Variants in SH3GL2 observed in about 807,000 individuals in gnomAD.
SH3GL2 encodes endophilin-A1.
In SH3GL2, 24 loss-of-function variants were observed where a neutral mutation model predicts 46.0. The ratio of observed to expected loss-of-function variants is 0.52; its 90% CI spans 0.38 to 0.73. The LOEUF (loss-of-function observed/expected upper bound fraction) is 0.73, where lower values mean the gene tolerates loss of function less well. SH3GL2 is among the 30% of genes least tolerant of loss of function. SH3GL2 has a pLI of 0.00. For missense variants in SH3GL2, 413 were observed against 424.2 expected, an observed-to-expected ratio of 0.97 and a Z score of 0.23; for synonymous variants, 196 against 147.1, an observed-to-expected ratio of 1.33 and a Z score of -2.40.
chr9:17,762,465 T>C lies in SH3GL2; in HGVS notation c.187+956T>C, dbSNP rs144598835. Among the ~76,000 whole-genome samples, 421 of 151,800 alleles carry C rather than the reference T, an allele frequency of 2.8e-3. 2 individuals are homozygous for C. Among genetic ancestry groups the C allele is most frequent in the African/African-American group, 6.9e-3 (286 of 41,362 alleles). On this transcript the variant is annotated intron_variant, in intron 3 of 8. Coordinates refer to ENST00000380607, the MANE Select transcript of SH3GL2 (RefSeq NM_003026.5). Reference sequence around the variant, plus strand: ...AGCAGGTGTGTGCTGTACTAAGTGCTGGCTCCTTTTCTATGCCCCCTGCTG... The same window carrying C: ...AGCAGGTGTGTGCTGTACTAAGTGCCGGCTCCTTTTCTATGCCCCCTGCTG...
intron 1 of SH3GL2, among the ~76,000 whole-genome samples, chr9:17,699,281 T>A (rs766685512): frequency 1.9e-4 from 28 of 150,992 alleles, no homozygotes; most frequent in African/African-American, 6.8e-4. Context: ...GTAAAGATAC[T>A]ATTAGACTTC....
At chr9:17,646,176 C>A (rs1563796045) in intron 1 of SH3GL2, among the ~76,000 whole-genome samples, 4 of 151,696 alleles carry the variant, frequency 2.6e-5, no homozygotes, top group Admixed American at 2.6e-4. Context: ...GCTATTGATG[C>A]TTGTGTATGC....
At chr9:17,724,859 C>T (rs1563828036) in intron 1 of SH3GL2, among the ~76,000 whole-genome samples, 1 of 152,128 alleles carries the variant, frequency 6.6e-6, no homozygotes, top group African/African-American at 2.4e-5. Context: ...GGAGTCACCC[C>T]TGGGTCTGCC....
chr9:17,608,369 A>G (rs376129118), intron 1 of SH3GL2, among the ~76,000 whole-genome samples: 2 of 152,114 alleles, frequency 1.3e-5, no homozygotes, highest in East Asian at 1.9e-4. Flanking sequence ...GATGGTCTCG[A>G]TCTCCTGACC....
intron 1 of SH3GL2, among the ~76,000 whole-genome samples, chr9:17,691,845 AC>A (rs1821086963): frequency 6.6e-6 from 1 of 152,068 alleles, no homozygotes; most frequent in Non-Finnish European, 1.5e-5. Context: ...TACACTTTTG[AC>A]AGTTATTACA....
intron 1 of SH3GL2, among the ~76,000 whole-genome samples, chr9:17,613,587 C>A (rs1190631523): frequency 6.6e-6 from 1 of 152,150 alleles, no homozygotes; most frequent in Non-Finnish European, 1.5e-5. Flanking sequence ...TGTTATTTGT[C>A]AAATAAAGCA....
At chr9:17,604,777 G>A (rs1818734643) in intron 1 of SH3GL2, among the ~76,000 whole-genome samples, 1 of 152,132 alleles carries the variant, frequency 6.6e-6, no homozygotes, top group Non-Finnish European at 1.5e-5. Context: ...CAAGGGCGGT[G>A]CTGAGAACAG....
At chr9:17,579,844 A>C (rs73412674) in intron 1 of SH3GL2, among the ~76,000 whole-genome samples, 6,181 of 152,246 alleles carry the variant, frequency 0.041, 292 homozygotes, top group African/African-American at 0.12. Flanking sequence ...GTCTTCCTTT[A>C]GGGACCCGCA....
At position 17,645,151 on chromosome 9, in the gene SH3GL2, CTTTTTTTTT is replaced by C. The variant is rs57611978; in HGVS notation, c.45+65887_45+65895del. 7.9e-3 allele frequency among the ~76,000 whole-genome samples: 543 copies of C among 68,586 alleles called. 2 individuals carry two copies. Among genetic ancestry groups the C allele is most frequent in the African/African-American group, 0.034 (522 of 15,170 alleles). The allele number at this position is 68,586 out of a possible 152,430, so 45.0% of individuals were successfully genotyped here. A position where few individuals can be genotyped will look rare whatever the true frequency, so the allele number is the denominator to read the frequency against. On this transcript the variant is annotated intron_variant, in intron 1 of 8. Coordinates refer to ENST00000380607, the MANE Select transcript of SH3GL2 (RefSeq NM_003026.5). ...TCAGAGACTAGGATTGCAAACGCTG[CTTTTTTTTT>C]TTTTTTTTTTTTTTTTTTTTTTGCT... is the stretch of plus-strand genomic sequence containing the variant.
intron 1 of SH3GL2, among the ~76,000 whole-genome samples, chr9:17,642,176 C>T (rs1335351769): frequency 6.6e-6 from 1 of 152,154 alleles, no homozygotes; most frequent in Non-Finnish European, 1.5e-5. Context: ...AGTGTCTGTT[C>T]ATATCCTTTG....
chr9:17,742,115 T>C (rs1822543043), intron 1 of SH3GL2, among the ~76,000 whole-genome samples: 1 of 152,124 alleles, frequency 6.6e-6, no homozygotes, highest in African/African-American at 2.4e-5. Flanking sequence ...TATGAATAAA[T>C]TTGGTCTTAA....
intron 1 of SH3GL2, among the ~76,000 whole-genome samples, chr9:17,631,130 A>G (rs1329170756): frequency 3.9e-5 from 6 of 152,180 alleles, no homozygotes; most frequent in Admixed American, 3.9e-4. Context: ...CTATAGAGGA[A>G]AAAACCCGCA....
At chr9:17,699,262 A>G (rs921023920) in intron 1 of SH3GL2, among the ~76,000 whole-genome samples, 4 of 152,014 alleles carry the variant, frequency 2.6e-5, no homozygotes, top group African/African-American at 9.7e-5. Context: ...AGTCACTGTC[A>G]GTCATTTGGT....
At chr9:17,736,160 T>A (rs1822328212) in intron 1 of SH3GL2, among the ~76,000 whole-genome samples, 1 of 152,196 alleles carries the variant, frequency 6.6e-6, no homozygotes, top group South Asian at 2.1e-4. Flanking sequence ...AGCCCAAGAT[T>A]ATAAATGAAA....
rs1433933263 is a variant in SH3GL2 at position 17,583,307 on chromosome 9, T to A, written c.45+4020T>A. ...TAAAATACGTATGTTGAAGCTTGAC[T>A]GCCAATGTGACAGTATTAAGAAATG... is the stretch of plus-strand genomic sequence containing the variant. On this transcript the variant is annotated intron_variant, in intron 1 of 8. Transcript: ENST00000380607. Among the ~76,000 whole-genome samples, 3 of 152,334 alleles carry A rather than the reference T, an allele frequency of 2.0e-5. No homozygotes were observed. The East Asian group carries it at 5.8e-4, about 29-fold the overall frequency.
At chr9:17,709,120 G>A (rs889186482) in intron 1 of SH3GL2, among the ~76,000 whole-genome samples, 1 of 152,016 alleles carries the variant, frequency 6.6e-6, no homozygotes, top group Non-Finnish European at 1.5e-5. Context: ...TTAGGCCAGA[G>A]GTTCTGCTGA....
At chr9:17,756,310 T>G (rs906906955) in intron 2 of SH3GL2, among the ~76,000 whole-genome samples, 1 of 152,172 alleles carries the variant, frequency 6.6e-6, no homozygotes, top group Non-Finnish European at 1.5e-5. Context: ...AGTTTCACTT[T>G]CTTTTTTTTA....
In SH3GL2 at chr9:17,795,633, A is replaced by G. The variant is rs1475487022; in HGVS notation, c.949A>G (p.Ile317Val). The G allele has an allele frequency of 1.2e-6, 2 of 1,613,928 alleles. No individual in the cohort carries two copies. Among genetic ancestry groups the G allele is most frequent in the Non-Finnish European group, 1.7e-6 (2 of 1,179,930 alleles). ...GTTGGGATTTAAAGAGGGCGATATC[A>G]TCACACTCACTAACCAAATTGATGA... Reference protein sequence around the residue: ...GELGFKEGDIITLTNQIDENW... With the variant: ...GELGFKEGDIVTLTNQIDENW... Residue 317 changes from isoleucine (I) to valine (V), a missense_variant, in exon 9 of 9, where the codon ATC (isoleucine) becomes GTC (valine). By Grantham distance (29) the Ile-to-Val change is conservative. Transcript: ENST00000380607.
intron 1 of SH3GL2, among the ~76,000 whole-genome samples, chr9:17,669,929 G>A (rs1041405592): frequency 1.3e-5 from 2 of 152,090 alleles, no homozygotes; most frequent in African/African-American, 4.8e-5. Context: ...CTGCAGAAAG[G>A]GGTCCCAGAA....
Sources: gnomAD v4.1 joint callset for allele counts (sites outside exome capture counted in the v4.1 genomes callset) on GRCh38, gnomAD v4.1.1 for gene constraint, MANE v1.5 for transcripts, NCBI Gene and HGNC (gene_info 2026-07-23, HGNC 2026-07-21) for gene names.